RHAG: variants seen among roughly 807,000 people sequenced by gnomAD.
The protein encoded by RHAG is ammonium transporter Rh type A.
Under a neutral mutation model 42.4 loss-of-function variants are expected in RHAG, and 25 were observed. The observed-to-expected ratio is 0.59, with a 90% CI of 0.43 to 0.82. RHAG has a LOEUF of 0.82. Among genes scored for constraint, RHAG ranks in the 40% least tolerant of loss-of-function variants. The probability of loss-of-function intolerance (pLI) is 0.00; values close to 1 mark genes in which losing one functional copy is unlikely to be tolerated. For synonymous variants in RHAG, 182 were observed against 177.7 expected, an observed-to-expected ratio of 1.02 and a Z score of -0.19; for missense variants, 483 against 504.6, an observed-to-expected ratio of 0.96 and a Z score of 0.41.
chr6:49,606,951 T>C (rs1581935013), intron 8 of RHAG, 30 bp from the exon 9 acceptor site: 2 of 1,524,688 alleles, frequency 1.3e-6, no homozygotes, highest in Non-Finnish European at 1.8e-6. Flanking sequence ...ATGAGTCATG[T>C]TGTGACGCTG....
At position 49,615,708 on chromosome 6, in the gene RHAG, C is replaced by T; in HGVS notation, c.556G>A (p.Ala186Thr). Reference sequence around the variant, plus strand: ...AGTCCAGATCGATACAAGATGCCTGCTACAGCCAAGCCAAAGTAGGCCCCA... The same window carrying T: ...AGTCCAGATCGATACAAGATGCCTGTTACAGCCAAGCCAAAGTAGGCCCCA... Reference protein sequence around the residue: ...AFGAYFGLAVAGILYRSGLRK... With the variant: ...AFGAYFGLAVTGILYRSGLRK... Residue 186 changes from alanine to threonine, a missense_variant, in exon 4 of 10, where the codon GCA becomes ACA. Physicochemically the swap from Ala to Thr is moderately conservative, Grantham distance 58. Coordinates refer to ENST00000371175, the MANE Select transcript of RHAG (RefSeq NM_000324.3). 6.2e-7 allele frequency: 1 copy of T among 1,614,150 alleles called. No homozygotes were observed. Among genetic ancestry groups the T allele is most frequent in the Non-Finnish European group, 8.5e-7 (1 of 1,180,030 alleles).
chr6:49,608,338 A>G (rs1440140334), intron 7 of RHAG, among the ~76,000 whole-genome samples: 1 of 152,136 alleles, frequency 6.6e-6, no homozygotes, highest in South Asian at 2.1e-4. Flanking sequence ...TTATTTTCCT[A>G]ATATAAAACC....
chr6:49,607,277 T>C (rs1762490081), intron 7 of RHAG, 57 bp from the exon 8 acceptor site: 4 of 1,390,036 alleles, frequency 2.9e-6, no homozygotes, highest in Non-Finnish European at 3.0e-6. Flanking sequence ...CCAAAGAAAG[T>C]CTCACTCACT....
intron 6 of RHAG, 59 bp from the exon 7 acceptor site, chr6:49,611,204 T>G (rs1187680952): frequency 8.6e-6 from 12 of 1,392,060 alleles, no homozygotes; most frequent in Non-Finnish European, 1.0e-6. Context: ...ACTCTAGAAC[T>G]GAAACAGAGC....
chr6:49,608,159 T>C (rs1762506240), intron 7 of RHAG, among the ~76,000 whole-genome samples: 1 of 152,222 alleles, frequency 6.6e-6, no homozygotes, highest in South Asian at 2.1e-4. Flanking sequence ...GCAATCTTAC[T>C]ATATTACTTA....
intron 7 of RHAG, among the ~76,000 whole-genome samples, chr6:49,610,548 G>A (rs1374165745): frequency 6.6e-6 from 1 of 152,146 alleles, no homozygotes; most frequent in Non-Finnish European, 1.5e-5. Flanking sequence ...ATACCTCAGA[G>A]GTCACATAAC....
chr6:49,618,547 T>C (rs1028942539), intron 2 of RHAG, among the ~76,000 whole-genome samples: 2 of 152,334 alleles, frequency 1.3e-5, no homozygotes, highest in South Asian at 4.1e-4. Flanking sequence ...TGGGAAATTT[T>C]TGCTCCCTGT....
chr6:49,629,407 T>C (rs1562019755), intron 1 of RHAG, among the ~76,000 whole-genome samples: 1 of 152,144 alleles, frequency 6.6e-6, no homozygotes, highest in Middle Eastern at 3.4e-3. Flanking sequence ...AGAGTGCCGG[T>C]TGGTGTATTT....
intron 6 of RHAG, among the ~76,000 whole-genome samples, chr6:49,612,039 A>G (rs1431218870): frequency 1.3e-5 from 2 of 152,060 alleles, no homozygotes; most frequent in Non-Finnish European, 2.9e-5. Context: ...GTGAGCCACC[A>G]TGCTTGGCCG....
chr6:49,629,599 G>T (rs1581951486), intron 1 of RHAG, among the ~76,000 whole-genome samples: 1 of 152,298 alleles, frequency 6.6e-6, no homozygotes, highest in Non-Finnish European at 1.5e-5. Context: ...TGGAGCAGGG[G>T]GTGGCGTTCA....
intron 1 of RHAG, among the ~76,000 whole-genome samples, chr6:49,627,510 C>T (rs1762860808): frequency 6.6e-6 from 1 of 152,206 alleles, no homozygotes; most frequent in South Asian, 2.1e-4. Context: ...CAAACTGTTT[C>T]AACCTCTGCT....
intron 7 of RHAG, among the ~76,000 whole-genome samples, chr6:49,608,589 C>G (rs1204225959): frequency 6.6e-6 from 1 of 152,106 alleles, no homozygotes; most frequent in Non-Finnish European, 1.5e-5. Flanking sequence ...ATTGGCCAGG[C>G]TGGTCTCAAA....
intron 1 of RHAG, among the ~76,000 whole-genome samples, chr6:49,625,099 A>C (rs1269795348): frequency 6.6e-6 from 1 of 152,228 alleles, no homozygotes; most frequent in Non-Finnish European, 1.5e-5. Context: ...TGATGTTTTC[A>C]CTGAGTGAAC....
chr6:49,625,289 G>C (rs1227133025), intron 1 of RHAG, among the ~76,000 whole-genome samples: 1 of 152,204 alleles, frequency 6.6e-6, no homozygotes, highest in African/African-American at 2.4e-5. Flanking sequence ...ACAGGTTTTG[G>C]AGGCAGACAA....
intron 6 of RHAG, among the ~76,000 whole-genome samples, chr6:49,611,804 C>T (rs139402233): frequency 1.6e-4 from 24 of 151,176 alleles, no homozygotes; most frequent in South Asian, 4.2e-4. Context: ...GGTAATGGTG[C>T]CATCTCGGCT....
chr6:49,608,793 T>C (rs1228278962), intron 7 of RHAG, among the ~76,000 whole-genome samples: 1 of 152,208 alleles, frequency 6.6e-6, no homozygotes, highest in Admixed American at 6.5e-5. Flanking sequence ...CTTTATCGCT[T>C]TGATAAGTGA....
chr6:49,622,216 G>GTTTT (rs547741058), intron 1 of RHAG, among the ~76,000 whole-genome samples: 2 of 132,462 alleles, frequency 1.5e-5, no homozygotes, highest in African/African-American at 2.8e-5. Context: ...AGATCTGATG[G>GTTTT]TTTTTTTTTT....
At chr6:49,608,870 C>T (rs1224699614) in intron 7 of RHAG, among the ~76,000 whole-genome samples, 2 of 151,922 alleles carry the variant, frequency 1.3e-5, no homozygotes, top group Non-Finnish European at 2.9e-5. Context: ...TTTATATATA[C>T]TTATTTGATT....
chr6:49,635,953 T>G (rs1401112115), intron 1 of RHAG, among the ~76,000 whole-genome samples: 1 of 152,174 alleles, frequency 6.6e-6, no homozygotes, highest in Non-Finnish European at 1.5e-5. Flanking sequence ...AATGGATGTG[T>G]TGGTTTATAA....
Sources: allele counts gnomAD v4.1 joint callset (sites outside exome capture counted in the v4.1 genomes callset), GRCh38; gene constraint gnomAD v4.1.1; transcripts MANE v1.5; gene names NCBI Gene and HGNC (gene_info 2026-07-23, HGNC 2026-07-21).